Variants in CNTNAP5 observed in about 807,000 individuals in gnomAD.
CNTNAP5 encodes contactin-associated protein-like 5.
CNTNAP5 carries 72 observed loss-of-function variants against 150.2 expected under a neutral mutation model. The observed-to-expected ratio is 0.48, with a 90% CI of 0.40 to 0.58. The LOEUF (loss-of-function observed/expected upper bound fraction) is 0.58. Among genes scored for constraint, CNTNAP5 ranks in the 20% least tolerant of loss-of-function variants. The pLI is 0.00. For missense variants in CNTNAP5, 1,636 were observed against 1,626.2 expected (o/e 1.01, Z -0.10); for synonymous variants, 672 against 619.8 (o/e 1.08, Z -1.25).
intron 19 of CNTNAP5, among the ~76,000 whole-genome samples, chr2:124,823,230 A>G (rs187217437): frequency 2.2e-4 from 34 of 152,254 alleles, no homozygotes; most frequent in Admixed American, 1.0e-3. Context: ...TCCTTGTGGG[A>G]TGATTCTGGG....
At chr2:124,394,039 A>T (rs1363363580) in intron 3 of CNTNAP5, among the ~76,000 whole-genome samples, 1 of 152,158 alleles carries the variant, frequency 6.6e-6, no homozygotes, top group African/African-American at 2.4e-5. Context: ...TCTAATATTT[A>T]ACTGTTATAG....
intron 11 of CNTNAP5, among the ~76,000 whole-genome samples, chr2:124,578,510 G>C (rs949189349): frequency 6.6e-6 from 1 of 152,060 alleles, no homozygotes; most frequent in African/African-American, 2.4e-5. Context: ...CTCCCCAGAG[G>C]GAGACAGCAT....
At chr2:124,788,540 G>A (rs1303775310) in intron 17 of CNTNAP5, among the ~76,000 whole-genome samples, 1 of 151,992 alleles carries the variant, frequency 6.6e-6, no homozygotes, top group Non-Finnish European at 1.5e-5. Context: ...TAAGAGAGCA[G>A]CAGTGATTGA....
intron 12 of CNTNAP5, among the ~76,000 whole-genome samples, chr2:124,633,083 G>C (rs1677897893): frequency 6.6e-6 from 1 of 152,050 alleles, no homozygotes; most frequent in Non-Finnish European, 1.5e-5. Flanking sequence ...GATTTGGGCA[G>C]GGACACAGCT....
chr2:124,609,456 G>T (rs553692721), intron 11 of CNTNAP5, among the ~76,000 whole-genome samples: 156 of 152,156 alleles, frequency 1.0e-3, no homozygotes, highest in African/African-American at 3.6e-3. Flanking sequence ...TAGTCAGGGT[G>T]GTGGCTCACA....
At chr2:124,855,059 G>A (rs1677332672) in intron 19 of CNTNAP5, among the ~76,000 whole-genome samples, 1 of 150,558 alleles carries the variant, frequency 6.6e-6, no homozygotes. Flanking sequence ...GTGTGACTAA[G>A]ATATAATAAT....
chr2:124,790,767 T>C (rs1681707526), intron 18 of CNTNAP5, among the ~76,000 whole-genome samples: 1 of 152,116 alleles, frequency 6.6e-6, no homozygotes, highest in Non-Finnish European at 1.5e-5. Context: ...ATCTCCTGAG[T>C]TCATTACATT....
At chr2:124,794,491 A>G (rs2104637712) in intron 18 of CNTNAP5, among the ~76,000 whole-genome samples, 1 of 152,362 alleles carries the variant, frequency 6.6e-6, no homozygotes, top group South Asian at 2.1e-4. Context: ...AAATAATGCT[A>G]CAATAAACAC....
At chr2:124,404,472 C>G (rs758046165) in intron 3 of CNTNAP5, among the ~76,000 whole-genome samples, 6 of 152,166 alleles carry the variant, frequency 3.9e-5, no homozygotes, top group Non-Finnish European at 8.8e-5. Context: ...TTGCCTTAGC[C>G]TCACAGTGTC....
intron 13 of CNTNAP5, among the ~76,000 whole-genome samples, chr2:124,728,016 A>G (rs1680196836): frequency 6.6e-6 from 1 of 152,018 alleles, no homozygotes; most frequent in Non-Finnish European, 1.5e-5. Flanking sequence ...ATCATGAAGC[A>G]ATGTTGAATT....
chr2:124,909,099 G>A (rs1053214081), intron 22 of CNTNAP5, among the ~76,000 whole-genome samples: 8 of 152,076 alleles, frequency 5.3e-5, no homozygotes, highest in Admixed American at 2.0e-4. Flanking sequence ...TATAAAGCCC[G>A]TAGCAGTGTA....
chr2:124,058,815 C>T (rs1028912430), intron 1 of CNTNAP5, among the ~76,000 whole-genome samples: 6 of 152,170 alleles, frequency 3.9e-5, no homozygotes, highest in Admixed American at 2.6e-4. Flanking sequence ...AAAATCCAGT[C>T]CTTGCATGGG....
chr2:124,096,805 G>T (rs940240286), intron 1 of CNTNAP5, among the ~76,000 whole-genome samples: 8 of 152,018 alleles, frequency 5.3e-5, no homozygotes, highest in Non-Finnish European at 8.8e-5. Context: ...CCGGGTTCTA[G>T]CAATTCCCCT....
At chr2:124,138,590 A>G (rs1684030470) in intron 1 of CNTNAP5, among the ~76,000 whole-genome samples, 1 of 152,122 alleles carries the variant, frequency 6.6e-6, no homozygotes, top group Non-Finnish European at 1.5e-5. Flanking sequence ...ACCACCATAC[A>G]TTGGGCTTCA....
intron 7 of CNTNAP5, among the ~76,000 whole-genome samples, chr2:124,495,937 G>C (rs1180203823): frequency 6.6e-6 from 1 of 151,898 alleles, no homozygotes; most frequent in Non-Finnish European, 1.5e-5. Context: ...ACAATGCTTT[G>C]TTACATGCTC....
intron 3 of CNTNAP5, among the ~76,000 whole-genome samples, chr2:124,347,432 A>G (rs1174578684): frequency 1.3e-5 from 2 of 152,248 alleles, no homozygotes; most frequent in Admixed American, 6.5e-5. Flanking sequence ...ATTTACCAGG[A>G]AACCTCTTTC....
rs187884942 is a variant in CNTNAP5 at position 124,685,752 on chromosome 2, G to T, written c.2077+37794G>T. On this transcript the variant is annotated intron_variant, in intron 13 of 23. Coordinates refer to ENST00000682447, the MANE Select transcript of CNTNAP5 (RefSeq NM_001367498.1). ...ATATCTAAAGTAAGTGTGTGTGTGT[G>T]TGTGTGTGTGCGCGCGCGTGTTATT... 3.2e-5 allele frequency among the ~76,000 whole-genome samples: 4 copies of T among 126,898 alleles called. No individual in the cohort carries two copies. In the East Asian group the frequency reaches 8.0e-4, roughly 25 times the overall value. The allele number at this position is 126,898 out of a possible 152,430, so 83.3% of individuals were successfully genotyped here.
At chr2:124,712,201 T>C (rs1485616046) in intron 13 of CNTNAP5, among the ~76,000 whole-genome samples, 2 of 152,220 alleles carry the variant, frequency 1.3e-5, no homozygotes, top group Non-Finnish European at 2.9e-5. Context: ...GTTGGGTGGA[T>C]ACATGAATCA....
At chr2:124,400,170 A>C (rs1220690733) in intron 3 of CNTNAP5, among the ~76,000 whole-genome samples, 1 of 151,778 alleles carries the variant, frequency 6.6e-6, no homozygotes, top group Non-Finnish European at 1.5e-5. Context: ...TTCAACAAGG[A>C]TTTATGGGCC....
Sources: allele counts gnomAD v4.1 joint callset (sites outside exome capture counted in the v4.1 genomes callset), GRCh38; gene constraint gnomAD v4.1.1; transcripts MANE v1.5; gene names NCBI Gene and HGNC (gene_info 2026-07-23, HGNC 2026-07-21).